Variants in EPHA6 observed in about 807,000 individuals in gnomAD.
The protein encoded by EPHA6 is EPH receptor A6.
Under a neutral mutation model 112.0 loss-of-function variants are expected in EPHA6, and 50 were observed. That is an observed-to-expected ratio of 0.45 (90% confidence interval 0.36 to 0.56). EPHA6 has a LOEUF of 0.56. Ranked by LOEUF, EPHA6 falls within the 20% of genes least tolerant of loss-of-function variation. EPHA6 has a pLI of 0.00. For missense variants in EPHA6, 1,280 were observed against 1,417.4 expected (o/e 0.90, Z 1.56); for synonymous variants, 529 against 490.7 (o/e 1.08, Z -1.03).
chr3:97,273,427 GT>G (rs1301205503), intron 5 of EPHA6, among the ~76,000 whole-genome samples: 2 of 152,134 alleles, frequency 1.3e-5, no homozygotes, highest in African/African-American at 4.8e-5. Flanking sequence ...GGGATGACAA[GT>G]TTTTTGGGGG....
At chr3:97,443,282 GT>G (rs1188307922) in intron 6 of EPHA6, among the ~76,000 whole-genome samples, 1 of 138,042 alleles carries the variant, frequency 7.2e-6, no homozygotes, top group Non-Finnish European at 1.5e-5. Flanking sequence ...ATATTATTTT[GT>G]TTCTCAAACA....
intron 3 of EPHA6, among the ~76,000 whole-genome samples, chr3:97,179,716 AG>A (rs1255881962): frequency 9.4e-6 from 1 of 106,164 alleles, no homozygotes. Context: ...AAACCTACAG[AG>A]TCTCTCTCTC....
chr3:96,825,340 A>G (rs2107241606), intron 1 of EPHA6, among the ~76,000 whole-genome samples: 1 of 151,950 alleles, frequency 6.6e-6, no homozygotes, highest in East Asian at 1.9e-4. Flanking sequence ...AAAATATAAC[A>G]ACACAAAATC....
intron 6 of EPHA6, among the ~76,000 whole-genome samples, chr3:97,417,574 A>G (rs113057425): frequency 9.2e-5 from 14 of 152,198 alleles, no homozygotes; most frequent in African/African-American, 3.4e-4. Context: ...GTTTTTACAA[A>G]ACTTAAGGGA....
In EPHA6 at chr3:97,009,923, C is replaced by T. The variant is rs1366975244; in HGVS notation, c.1114+21930C>T. 1.0e-4 allele frequency: 48 copies of T among 476,668 alleles called. 2 individuals carry two copies. Among genetic ancestry groups the T allele is most frequent in the South Asian group, 6.4e-4 (41 of 64,142 alleles). 29.5% of individuals were successfully genotyped at this position (476,668 alleles called of 1,614,324 possible). On this transcript the variant is annotated intron_variant, in intron 3 of 17. Coordinates refer to ENST00000389672, the MANE Select transcript of EPHA6 (RefSeq NM_001080448.3). Reference sequence around the variant, plus strand: ...CCATGGGTCATGCTAGCCTTCTAGTCAATTTTGATGAGAGAACCTGGTTAC... The same window carrying T: ...CCATGGGTCATGCTAGCCTTCTAGTTAATTTTGATGAGAGAACCTGGTTAC...
At chr3:97,211,039 A>C (rs2077859290) in intron 3 of EPHA6, among the ~76,000 whole-genome samples, 4 of 152,230 alleles carry the variant, frequency 2.6e-5, no homozygotes, top group Admixed American at 2.6e-4. Flanking sequence ...CATCCTGAAG[A>C]ATCAGACGAA....
In EPHA6 at chr3:96,814,665, G is replaced by T. The variant is rs762611129; in HGVS notation, c.42G>T (p.Ala14=). The T allele has an allele frequency of 6.8e-7, 1 of 1,477,270 alleles. No individual in the cohort carries two copies. Among genetic ancestry groups the T allele is most frequent in the Non-Finnish European group, 9.0e-7 (1 of 1,113,128 alleles). The allele number at this position is 1,477,270 out of a possible 1,614,324, so 91.5% of individuals were successfully genotyped here. A position where few individuals can be genotyped will look rare whatever the true frequency, so the allele number is the denominator to read the frequency against. Residue 14 remains alanine, a synonymous_variant, in exon 1 of 18, where the codon GCG becomes GCT. Coordinates refer to ENST00000389672, the MANE Select transcript of EPHA6 (RefSeq NM_001080448.3). ...PSPPAARSSP[A]PQAASSSEAA... ...CTCCAGCCGCGAGGAGCTCCCCGGCGCCGCAGGCAGCGTCCTCCTCCGAAG... is the reference window on the plus strand; with the variant it reads ...CTCCAGCCGCGAGGAGCTCCCCGGCTCCGCAGGCAGCGTCCTCCTCCGAAG...
At chr3:96,927,056 T>G (rs2040074270) in intron 2 of EPHA6, among the ~76,000 whole-genome samples, 3 of 152,206 alleles carry the variant, frequency 2.0e-5, no homozygotes, top group African/African-American at 7.2e-5. Context: ...CCATACATTC[T>G]CTGAAATGCA....
At chr3:96,855,825 T>A (rs1333737971) in intron 1 of EPHA6, among the ~76,000 whole-genome samples, 1 of 152,160 alleles carries the variant, frequency 6.6e-6, no homozygotes, top group Non-Finnish European at 1.5e-5. Flanking sequence ...ACACAGAAAC[T>A]AATTTTCATT....
At chr3:97,340,683 G>A (rs931175901) in intron 5 of EPHA6, among the ~76,000 whole-genome samples, 1 of 152,074 alleles carries the variant, frequency 6.6e-6, no homozygotes, top group Non-Finnish European at 1.5e-5. Flanking sequence ...AGCAAATTTG[G>A]TTTCTGTTAA....
intron 9 of EPHA6, chr3:97,481,451 G>T: frequency 4.5e-6 from 6 of 1,344,140 alleles, no homozygotes; most frequent in Non-Finnish European, 6.4e-6. Flanking sequence ...TTCCTTTGCA[G>T]TTAAAAATAT....
intron 3 of EPHA6, among the ~76,000 whole-genome samples, chr3:97,132,490 A>C (rs554355797): frequency 1.3e-4 from 20 of 152,156 alleles, no homozygotes; most frequent in African/African-American, 4.8e-4. Flanking sequence ...GTGTTAGTAA[A>C]GTAGATGGCT....
chr3:97,541,325 C>A (rs900899238), intron 11 of EPHA6, among the ~76,000 whole-genome samples: 1 of 152,120 alleles, frequency 6.6e-6, no homozygotes, highest in Non-Finnish European at 1.5e-5. Flanking sequence ...TCTCATATAA[C>A]CTTCACTAAC....
intron 5 of EPHA6, among the ~76,000 whole-genome samples, chr3:97,329,038 C>T (rs1460899754): frequency 1.3e-5 from 2 of 151,922 alleles, no homozygotes; most frequent in Admixed American, 1.3e-4. Context: ...CATTGTTCAA[C>T]TCCCACCTAT....
intron 10 of EPHA6, among the ~76,000 whole-genome samples, chr3:97,523,770 T>G (rs2092579315): frequency 6.6e-6 from 1 of 152,052 alleles, no homozygotes; most frequent in Non-Finnish European, 1.5e-5. Flanking sequence ...CTTATCTTTT[T>G]AATGAACTGA....
chr3:96,950,343 T>G (rs1056505599), intron 2 of EPHA6, among the ~76,000 whole-genome samples: 6 of 152,144 alleles, frequency 3.9e-5, no homozygotes, highest in African/African-American at 1.4e-4. Context: ...GTGTAGGACC[T>G]CTTAGGCAGA....
intron 11 of EPHA6, among the ~76,000 whole-genome samples, chr3:97,568,899 G>A (rs1248146101): frequency 3.3e-5 from 5 of 152,100 alleles, no homozygotes; most frequent in Non-Finnish European, 7.4e-5. Context: ...GTCATCGGAT[G>A]GAAACTATTA....
At chr3:97,473,467 T>C (rs1368726038) in intron 7 of EPHA6, among the ~76,000 whole-genome samples, 1 of 151,810 alleles carries the variant, frequency 6.6e-6, no homozygotes, top group East Asian at 1.9e-4. Context: ...AATCTGATTT[T>C]CAAAAGGCAC....
chr3:96,865,036 T>C (rs2036227297), intron 1 of EPHA6, among the ~76,000 whole-genome samples: 1 of 152,082 alleles, frequency 6.6e-6, no homozygotes, highest in Non-Finnish European at 1.5e-5. Flanking sequence ...AGATTGGACA[T>C]TAATTGGTAA....
Sources: allele counts gnomAD v4.1 joint callset (sites outside exome capture counted in the v4.1 genomes callset), GRCh38; gene constraint gnomAD v4.1.1; transcripts MANE v1.5; gene names NCBI Gene and HGNC (gene_info 2026-07-23, HGNC 2026-07-21).